Variants in NBPF8 observed in about 807,000 individuals in gnomAD.
NBPF8 encodes the protein NBPF member 8.
intron 10 of NBPF8, among the ~76,000 whole-genome samples, chr1:120,448,990 T>C (rs2101669238): frequency 1.7e-5 from 1 of 59,610 alleles, no homozygotes; most frequent in East Asian, 3.3e-4. Context: ...TAGAAGTGTT[T>C]ATGTCCTGGT....
At chr1:120,415,073 G>T (rs1369004672), upstream of NBPF8, among the ~76,000 whole-genome samples, 1 of 152,094 alleles carries the variant, frequency 6.6e-6, no homozygotes, top group Non-Finnish European at 1.5e-5. Context: ...CAGGCTATGG[G>T]CTGGGCGGCG....
intron 17 of NBPF8, among the ~76,000 whole-genome samples, 189 bp from the exon 16 acceptor site, chr1:120,460,384 G>C (rs1661546443): frequency 1.3e-5 from 2 of 152,244 alleles, no homozygotes; most frequent in South Asian, 4.1e-4. Context: ...TTTTGCCCAA[G>C]GCTCATGAAA....
At chr1:120,427,033 C>T (rs1660746069) in intron 2 of NBPF8, among the ~76,000 whole-genome samples, 1 of 120,102 alleles carries the variant, frequency 8.3e-6, no homozygotes, top group Non-Finnish European at 1.7e-5. Context: ...TATCATTTTT[C>T]TCACACTGTT....
rs1300798192 is a variant in NBPF8 at position 120,421,382 on chromosome 1, T to TC, written n.269+1267dup. Among the ~76,000 whole-genome samples the TC allele has an allele frequency of 1.1e-3, 171 of 151,642 alleles. 2 individuals carry two copies. The highest frequency in any genetic ancestry group is 4.0e-3 in the Admixed American group (61 of 15,230). Reference sequence around the variant, plus strand: ...TCCTTCCTTCCCTACTTCTCTCCCCTCCCTACTTCTCTCCCACTCTTTTTC... The same window carrying TC: ...TCCTTCCTTCCCTACTTCTCTCCCCTCCCCTACTTCTCTCCCACTCTTTTTC... On this transcript the variant is annotated intron_variant and non_coding_transcript_variant, in intron 1 of 28. Coordinates refer to the NBPF8 transcript ENST00000652355.
chr1:120,422,959 C>CTTTTT (rs1331878314), intron 1 of NBPF8, among the ~76,000 whole-genome samples: 1 of 61,732 alleles, frequency 1.6e-5, no homozygotes, highest in Non-Finnish European at 2.9e-5. Context: ...GATCTTTCAC[C>CTTTTT]TTTTTTTTTT....
At chr1:120,460,973 C>G (rs1383038283) in intron 18 of NBPF8, among the ~76,000 whole-genome samples, 1 of 150,088 alleles carries the variant, frequency 6.7e-6, no homozygotes, top group African/African-American at 2.5e-5. Context: ...TGTCCTTTGA[C>G]TCCCTCATCA....
upstream of NBPF8, chr1:120,432,956 A>G (rs1660923969): frequency 2.0e-5 from 3 of 152,264 alleles, no homozygotes; most frequent in East Asian, 5.8e-4. Context: ...TAGCAGCTAG[A>G]AAATGAAATT....
Position 120,436,539 on chromosome 1 carries a change from G to A in NBPF8, n.187G>A, listed in dbSNP as rs2101619364. The A allele has an allele frequency of 1.4e-5, 21 of 1,532,424 alleles. 1 individual carries two copies. The South Asian group carries it at 1.7e-4, about 12-fold the overall frequency. The allele number at this position is 1,532,424 out of a possible 1,614,324, so 94.9% of individuals were successfully genotyped here. A position where few individuals can be genotyped will look rare whatever the true frequency, so the allele number is the denominator to read the frequency against. ...AACGTCAGCATGGTGGTATCAGCCG[G>A]CCCTTGGTCCAGCGAGAAGGCAGAG... On this transcript the variant is annotated non_coding_transcript_exon_variant, in exon 1 of 25. Transcript: ENST00000583271.
intron 12 of NBPF8, 50 bp from the exon 11 acceptor site, chr1:120,452,067 G>A: frequency 7.1e-7 from 1 of 1,413,716 alleles, no homozygotes; most frequent in Non-Finnish European, 1.0e-6. Context: ...TATTTGAGCG[G>A]ATCACTCAAC....
chr1:120,421,526 C>CCCTT (rs1213067188), intron 1 of NBPF8, among the ~76,000 whole-genome samples: 1 of 149,398 alleles, frequency 6.7e-6, no homozygotes, highest in Non-Finnish European at 1.5e-5. Context: ...CTTCCTTCCT[C>CCCTT]CCTTCCTCCT....
Position 120,464,568 on chromosome 1 carries a change from G to C in NBPF8, n.3459+20G>C. 3.9e-6 allele frequency: 3 copies of C among 772,468 alleles called. No individual in the cohort carries two copies. The highest frequency in any genetic ancestry group is 2.4e-6 in the Non-Finnish European group (1 of 419,178). 47.9% of individuals were successfully genotyped at this position (772,468 alleles called of 1,614,324 possible). On this transcript the variant is annotated intron_variant and non_coding_transcript_variant, in intron 23 of 24. Transcript: ENST00000583271. Reference sequence around the variant, plus strand: ...TGGGAGGTGAGTACCTTTCTATGAAGGTGATAAGGATCCACTGAGTCTTCC... The same window carrying C: ...TGGGAGGTGAGTACCTTTCTATGAACGTGATAAGGATCCACTGAGTCTTCC...
upstream of NBPF8, chr1:120,433,567 A>C (rs1295529870): frequency 6.3e-6 from 1 of 158,728 alleles, no homozygotes; most frequent in Non-Finnish European, 1.4e-5. Context: ...TGGAGTAATG[A>C]CTCCTGAAAT....
chr1:120,459,557 A>G lies in NBPF8; in HGVS notation n.2784+27A>G, dbSNP rs1570943530. 2.8e-6 allele frequency: 4 copies of G among 1,405,256 alleles called. No homozygotes were observed. In the East Asian group the frequency reaches 6.7e-5, roughly 24 times the overall value. 87.0% of individuals were successfully genotyped at this position (1,405,256 alleles called of 1,614,324 possible). A position where few individuals can be genotyped will look rare whatever the true frequency, so the allele number is the denominator to read the frequency against. On this transcript the variant is annotated intron_variant and non_coding_transcript_variant, in intron 17 of 24. Coordinates refer to ENST00000583271, the Ensembl canonical transcript of NBPF8. Reference sequence around the variant, plus strand: ...TGAGTACTCCATTGTGAAGGTGATAAAGCTCCAGTTCATGGCCCAGGTAGA... The same window carrying G: ...TGAGTACTCCATTGTGAAGGTGATAGAGCTCCAGTTCATGGCCCAGGTAGA...
upstream of NBPF8, among the ~76,000 whole-genome samples, chr1:120,415,412 T>G (rs1304115669): frequency 3.9e-5 from 6 of 152,004 alleles, no homozygotes; most frequent in Middle Eastern, 3.4e-3. Flanking sequence ...AGGGCGTGTG[T>G]TCCGGCCCCG....
At chr1:120,432,130 G>A (rs1660897092), upstream of NBPF8, 1 of 144,016 alleles carries the variant, frequency 6.9e-6, no homozygotes, top group Non-Finnish European at 1.5e-5. Flanking sequence ...TAGGTGCTGG[G>A]GTCCCTTATC....
chr1:120,418,723 T>A (rs1432230952), upstream of NBPF8, among the ~76,000 whole-genome samples: 1,372 of 98,922 alleles, frequency 0.014, 12 homozygotes, highest in African/African-American at 0.027. Flanking sequence ...GCTAATTTTC[T>A]ATTTTTTGTA....
intron 13 of NBPF8, among the ~76,000 whole-genome samples, chr1:120,452,828 G>A (rs1206631939): frequency 0.017 from 2,589 of 152,222 alleles, 71 homozygotes; most frequent in African/African-American, 0.058. Flanking sequence ...GAAGGCCCTC[G>A]CCGTGTGATG....
chr1:120,420,280 T>A (rs1313142331), intron 1 of NBPF8, among the ~76,000 whole-genome samples, 162 bp downstream of exon 2: 6 of 152,038 alleles, frequency 3.9e-5, no homozygotes, highest in African/African-American at 1.4e-4. Context: ...TGAACAAATA[T>A]TCACAGCGTG....
At chr1:120,418,491 G>A (rs1553245580), upstream of NBPF8, among the ~76,000 whole-genome samples, 7 of 149,086 alleles carry the variant, frequency 4.7e-5, no homozygotes, top group East Asian at 1.2e-3. Flanking sequence ...CATTTAAAGG[G>A]CCGACGTGAT....
Sources: gnomAD v4.1 joint callset for allele counts (sites outside exome capture counted in the v4.1 genomes callset) on GRCh38, gnomAD v4.1.1 for gene constraint, MANE v1.5 for transcripts, NCBI Gene and HGNC (gene_info 2026-07-23, HGNC 2026-07-21) for gene names.